Variants in LSM14A observed in about 807,000 individuals in gnomAD.
LSM14A encodes protein LSM14 homolog A.
LSM14A carries 14 observed loss-of-function variants against 52.4 expected under a neutral mutation model. The ratio of observed to expected loss-of-function variants is 0.27; its 90% CI spans 0.18 to 0.42. The LOEUF (loss-of-function observed/expected upper bound fraction) is 0.42, where lower values mean the gene tolerates loss of function less well. Ranked by LOEUF, LSM14A falls within the 10% of genes least tolerant of loss-of-function variation. The pLI is 1.00. For missense variants in LSM14A, 417 were observed against 581.8 expected, an observed-to-expected ratio of 0.72 and a Z score of 2.91; for synonymous variants, 185 against 200.3, an observed-to-expected ratio of 0.92 and a Z score of 0.64.
chr19:34,191,405 A>G (rs1039553119), intron 1 of LSM14A, among the ~76,000 whole-genome samples: 1 of 152,148 alleles, frequency 6.6e-6, no homozygotes, highest in African/African-American at 2.4e-5. Context: ...AAAAAACAAA[A>G]TAAGTAAATG....
At position 34,227,398 on chromosome 19, in the gene LSM14A, A is replaced by G. The variant is rs1000695171; in HGVS notation, c.*10A>G. On this transcript the variant is annotated 3_prime_UTR_variant, in exon 10 of 10. Transcript: ENST00000544216. ...CAAAGTTGCTGCATAGTCTACAAAC[A>G]AGTCTCTGAAAATAGGTGAATTTCT... 1.4e-5 allele frequency: 22 copies of G among 1,587,054 alleles called. No individual in the cohort carries two copies. The highest frequency in any genetic ancestry group is 1.9e-5 in the Non-Finnish European group (22 of 1,169,598).
At chr19:34,217,649 A>C (rs1192566385) in intron 6 of LSM14A, among the ~76,000 whole-genome samples, 1 of 60,214 alleles carries the variant, frequency 1.7e-5, no homozygotes, top group South Asian at 6.1e-4. Flanking sequence ...TTTTTTTGAG[A>C]CAGAGTCAAC....
chr19:34,188,950 A>G (rs913307935), intron 1 of LSM14A, among the ~76,000 whole-genome samples: 2 of 152,082 alleles, frequency 1.3e-5, no homozygotes, highest in Non-Finnish European at 2.9e-5. Context: ...ATTTGTATAC[A>G]AGTTTCTGTG....
chr19:34,172,576 CGGAGCGGGCGACAGTGGCGTGG>C lies in LSM14A; in HGVS notation c.-65_-44del. Reference sequence around the variant, plus strand: ...GGCGCCGACGGAGCGAGCGGGCGTGCGGAGCGGGCGACAGTGGCGTGGGATCTGCCTCTCTGCGAGCAGCTGG... The same window carrying C: ...GGCGCCGACGGAGCGAGCGGGCGTGCGATCTGCCTCTCTGCGAGCAGCTGG... On this transcript the variant is annotated 5_prime_UTR_variant, in exon 1 of 10. Coordinates refer to ENST00000544216, the MANE Select transcript of LSM14A (RefSeq NM_015578.4). 6.9e-7 allele frequency: 1 copy of C among 1,459,062 alleles called. No individual in the cohort carries two copies. Among genetic ancestry groups the C allele is most frequent in the Non-Finnish European group, 9.1e-7 (1 of 1,104,928 alleles). The allele number at this position is 1,459,062 out of a possible 1,614,324, so 90.4% of individuals were successfully genotyped here. A position where few individuals can be genotyped will look rare whatever the true frequency, so the allele number is the denominator to read the frequency against.
intron 3 of LSM14A, among the ~76,000 whole-genome samples, chr19:34,201,621 G>A (rs773712768): frequency 6.6e-6 from 1 of 152,136 alleles, no homozygotes; most frequent in African/African-American, 2.4e-5. Flanking sequence ...GATTACAGGC[G>A]TGAGCCACCA....
Position 34,221,673 on chromosome 19 carries a change from C to T in LSM14A, c.1303C>T (p.Arg435Ter), listed in dbSNP as rs772084356. 1 of 1,613,958 alleles carries T rather than the reference C, an allele frequency of 6.2e-7. No homozygotes were observed. The highest frequency in any genetic ancestry group is 1.3e-5 in the African/African-American group (1 of 74,938). Reference sequence around the variant, plus strand: ...CAGAGGTGGTACCTTCACTGCCCCTCGAGGATTTCGCGGTGGATTCAGAGG... The same window carrying T: ...CAGAGGTGGTACCTTCACTGCCCCTTGAGGATTTCGCGGTGGATTCAGAGG... Reference protein sequence around the residue: ...GGRGGTFTAPRGFRGGFRGGR... With the variant: ...GGRGGTFTAP The change falls in exon 9 of 10, where the codon CGA (arginine) becomes TGA (stop). Residue 435 changes from arginine (R) to a stop codon, truncating the protein, a stop_gained. Coordinates refer to ENST00000544216, the MANE Select transcript of LSM14A (RefSeq NM_015578.4). LOFTEE classifies it high-confidence loss of function.
chr19:34,173,461 C>T (rs1397570265), intron 1 of LSM14A, among the ~76,000 whole-genome samples: 1 of 152,212 alleles, frequency 6.6e-6, no homozygotes, highest in Non-Finnish European at 1.5e-5. Context: ...ATCCAGGATC[C>T]TTCTTGACCA....
At chr19:34,223,699 A>C (rs2073188685) in intron 9 of LSM14A, among the ~76,000 whole-genome samples, 1 of 152,236 alleles carries the variant, frequency 6.6e-6, no homozygotes, top group African/African-American at 2.4e-5. Context: ...GATCAGCTAC[A>C]TTTTGAACAA....
Position 34,227,755 on chromosome 19 carries a change from T to G in LSM14A, c.*367T>G. ...TTGGCAATTGCAAGTTGCCTGCAGA[T>G]AGGGCCGTGATACTGTGTTTTGAGC... On this transcript the variant is annotated 3_prime_UTR_variant, in exon 10 of 10. Coordinates refer to ENST00000544216, the MANE Select transcript of LSM14A (RefSeq NM_015578.4). 5.0e-6 allele frequency: 1 copy of G among 199,842 alleles called. No homozygotes were observed. Among genetic ancestry groups the G allele is most frequent in the Non-Finnish European group, 9.9e-6 (1 of 100,688 alleles). 12.4% of individuals were successfully genotyped at this position (199,842 alleles called of 1,614,324 possible). A position where few individuals can be genotyped will look rare whatever the true frequency, so the allele number is the denominator to read the frequency against.
At chr19:34,215,700 C>T (rs1312435711) in intron 6 of LSM14A, 39 bp downstream of exon 6, 1 of 1,328,724 alleles carries the variant, frequency 7.5e-7, no homozygotes, top group African/African-American at 1.5e-5. Context: ...CTATGCTTCT[C>T]AACAGGGAGA....
chr19:34,210,994 A>G (rs1415598123), intron 4 of LSM14A, among the ~76,000 whole-genome samples: 1 of 152,114 alleles, frequency 6.6e-6, no homozygotes, highest in Non-Finnish European at 1.5e-5. Flanking sequence ...CAAAATGTAA[A>G]TTAAATATAC....
chr19:34,222,232 G>T (rs2073106698), intron 9 of LSM14A, among the ~76,000 whole-genome samples: 1 of 152,188 alleles, frequency 6.6e-6, no homozygotes, highest in Non-Finnish European at 1.5e-5. Flanking sequence ...ATGGTGCTGG[G>T]TGTTGAGCCC....
intron 1 of LSM14A, among the ~76,000 whole-genome samples, chr19:34,175,977 C>G (rs954130888): frequency 6.6e-6 from 1 of 152,016 alleles, no homozygotes; most frequent in Non-Finnish European, 1.5e-5. Context: ...CACAGCCTTC[C>G]GAGTAGCTGG....
chr19:34,200,991 A>G (rs1212076208), intron 3 of LSM14A, among the ~76,000 whole-genome samples: 1 of 152,226 alleles, frequency 6.6e-6, no homozygotes, highest in East Asian at 1.9e-4. Context: ...AGCACGTAGT[A>G]TCTATATAGT....
intron 6 of LSM14A, among the ~76,000 whole-genome samples, chr19:34,216,882 A>T (rs1281139570): frequency 1.3e-5 from 2 of 152,094 alleles, no homozygotes; most frequent in African/African-American, 4.8e-5. Context: ...TCAAGTTAGG[A>T]TTATAAAATT....
intron 1 of LSM14A, among the ~76,000 whole-genome samples, chr19:34,182,556 G>A (rs577082899): frequency 2.0e-5 from 3 of 151,608 alleles, no homozygotes; most frequent in Admixed American, 6.6e-5. Flanking sequence ...GTCAACTCTC[G>A]GCCGGGCGCG....
intron 1 of LSM14A, among the ~76,000 whole-genome samples, chr19:34,172,994 C>CTGAG (rs1217235789): frequency 6.6e-6 from 1 of 152,230 alleles, no homozygotes; most frequent in Non-Finnish European, 1.5e-5. Flanking sequence ...AACTACGGGA[C>CTGAG]TGAGTGCGCG....
intron 9 of LSM14A, 147 bp downstream of exon 9, chr19:34,221,885 T>G: frequency 7.1e-7 from 1 of 1,404,388 alleles, no homozygotes; most frequent in Non-Finnish European, 9.4e-7. Context: ...ATATACGTGA[T>G]TCAGATGTAT....
At chr19:34,206,743 A>G (rs979062607) in intron 3 of LSM14A, among the ~76,000 whole-genome samples, 1 of 152,212 alleles carries the variant, frequency 6.6e-6, no homozygotes, top group African/African-American at 2.4e-5. Context: ...ACCAAGGCCA[A>G]ATAACTGAAA....
Sources: allele counts gnomAD v4.1 joint callset (sites outside exome capture counted in the v4.1 genomes callset), GRCh38; gene constraint gnomAD v4.1.1; transcripts MANE v1.5; gene names NCBI Gene and HGNC (gene_info 2026-07-23, HGNC 2026-07-21).